CDRT4: variants seen among roughly 807,000 people sequenced by gnomAD.
CDRT4 encodes the protein CMT1A duplicated region transcript 4 protein.
For synonymous variants in CDRT4, 64 were observed against 69.6 expected (o/e 0.92, Z 0.40); for missense variants, 167 against 193.1 (o/e 0.87, Z 0.80).
chr17:15,461,355 T>C (rs1597469780), intron 1 of CDRT4, among the ~76,000 whole-genome samples: 1 of 152,228 alleles, frequency 6.6e-6, no homozygotes, highest in Non-Finnish European at 1.5e-5. Context: ...CGCTACAGCA[T>C]GCGGGCTGCC....
intron 1 of CDRT4, among the ~76,000 whole-genome samples, chr17:15,456,563 TAC>T (rs3029212): frequency 0.14 from 20,491 of 144,848 alleles, 1,467 homozygotes; most frequent in Non-Finnish European, 0.16. Flanking sequence ...AATCTTCCTT[TAC>T]ACACACACAC....
At chr17:15,462,924 G>A (rs1979822138) in intron 1 of CDRT4, among the ~76,000 whole-genome samples, 1 of 152,164 alleles carries the variant, frequency 6.6e-6, no homozygotes, top group Non-Finnish European at 1.5e-5. Flanking sequence ...ACATCACCAA[G>A]ATGTAAGCTG....
chr17:15,446,908 C>T (rs1979052184), intron 2 of CDRT4, among the ~76,000 whole-genome samples: 1 of 152,194 alleles, frequency 6.6e-6, no homozygotes, highest in Non-Finnish European at 1.5e-5. Context: ...GTTCAAGTAC[C>T]TATGGCCATT....
intron 2 of CDRT4, chr17:15,443,885 C>T: frequency 1.6e-6 from 1 of 625,936 alleles, no homozygotes; most frequent in Non-Finnish European, 3.1e-6. Flanking sequence ...TCACACTGGG[C>T]TTCCACTACA....
At position 15,436,473 on chromosome 17, in the gene CDRT4, T is replaced by A. The variant is rs1285451952; in HGVS notation, c.*1300A>T. The A allele has an allele frequency of 6.6e-6, 1 of 152,254 alleles. No individual in the cohort carries two copies. Among genetic ancestry groups the A allele is most frequent in the Admixed American group, 6.5e-5 (1 of 15,282 alleles). The allele number at this position is 152,254 out of a possible 1,614,324, so 9.4% of individuals were successfully genotyped here. On this transcript the variant is annotated 3_prime_UTR_variant, in exon 4 of 4. Coordinates refer to ENST00000619038, the MANE Select transcript of CDRT4 (RefSeq NM_001204477.2). ...AACCAGCTGGGTCAGCCTGTCATAA[T>A]TGGATCCCTCTTGCATGTAAAGACA...
At chr17:15,444,279 T>A (rs1978915062) in intron 2 of CDRT4, 1 of 507,434 alleles carries the variant, frequency 2.0e-6, no homozygotes, top group African/African-American at 2.0e-5. Context: ...ATAAAAGACC[T>A]ATTGATTTGG....
intron 1 of CDRT4, among the ~76,000 whole-genome samples, chr17:15,465,285 C>A (rs1315888889): frequency 7.2e-6 from 1 of 139,848 alleles, no homozygotes. Context: ...CACAAACACA[C>A]ACCAACACCA....
intron 2 of CDRT4, among the ~76,000 whole-genome samples, chr17:15,440,954 G>A (rs1001287308): frequency 6.6e-6 from 1 of 152,010 alleles, no homozygotes; most frequent in Admixed American, 6.6e-5. Context: ...TAAGCCAAAA[G>A]GGGGAAAGAA....
intron 2 of CDRT4, among the ~76,000 whole-genome samples, chr17:15,449,445 TTCCACACACTTGCTCCTCTATC>T (rs1348756915): frequency 6.6e-6 from 1 of 152,196 alleles, no homozygotes; most frequent in Non-Finnish European, 1.5e-5. Flanking sequence ...TTCTTTATAA[TTCCACACACTTGCTCCTCTATC>T]TCCAAGTCAA....
At chr17:15,440,659 C>G (rs1156977514) in intron 2 of CDRT4, among the ~76,000 whole-genome samples, 2 of 152,110 alleles carry the variant, frequency 1.3e-5, no homozygotes, top group African/African-American at 4.8e-5. Context: ...TACCAGAGTC[C>G]AAGAGTGGTC....
At chr17:15,446,419 T>C (rs1979029507) in intron 2 of CDRT4, among the ~76,000 whole-genome samples, 1 of 151,992 alleles carries the variant, frequency 6.6e-6, no homozygotes, top group African/African-American at 2.4e-5. Flanking sequence ...CTGGGGACCC[T>C]TGGGAATCGT....
intron 2 of CDRT4, among the ~76,000 whole-genome samples, chr17:15,445,159 T>C (rs1214497648): frequency 6.6e-6 from 1 of 152,220 alleles, no homozygotes; most frequent in East Asian, 1.9e-4. Context: ...ATAGTCATGA[T>C]GAGTGGATTA....
chr17:15,461,094 C>T (rs1052008664), intron 1 of CDRT4, among the ~76,000 whole-genome samples: 1 of 152,232 alleles, frequency 6.6e-6, no homozygotes, highest in Non-Finnish European at 1.5e-5. Flanking sequence ...AAATCTATCA[C>T]ATCACCTTGT....
At chr17:15,449,239 C>T (rs867314008) in intron 2 of CDRT4, among the ~76,000 whole-genome samples, 1 of 152,190 alleles carries the variant, frequency 6.6e-6, no homozygotes. Flanking sequence ...CCAGGGCACA[C>T]GCTAAGTGTA....
At chr17:15,455,888 C>T (rs1207682262) in intron 1 of CDRT4, among the ~76,000 whole-genome samples, 1 of 152,178 alleles carries the variant, frequency 6.6e-6, no homozygotes, top group African/African-American at 2.4e-5. Context: ...GAGACAGAGG[C>T]AGACAGCTAA....
rs556575497 is a variant in CDRT4, at chr17:15,461,350, C to T, written c.-130+6110G>A. Among the ~76,000 whole-genome samples the T allele has an allele frequency of 6.6e-5, 10 of 152,360 alleles. No homozygotes were observed. The East Asian group carries it at 1.5e-3, about 23-fold the overall frequency. ...GAAGTCGGCCTCTGCAGTTCCGCTA[C>T]AGCATGCGGGCTGCCACAAGGACAG... On this transcript the variant is annotated intron_variant, in intron 1 of 3. Transcript: ENST00000619038.
At chr17:15,440,821 G>A (rs1597456202) in intron 2 of CDRT4, among the ~76,000 whole-genome samples, 1 of 152,184 alleles carries the variant, frequency 6.6e-6, no homozygotes, top group South Asian at 2.1e-4. Flanking sequence ...ATGCAGGGGG[G>A]AAATCTGATG....
intron 1 of CDRT4, among the ~76,000 whole-genome samples, chr17:15,459,979 G>A (rs1979674670): frequency 6.6e-6 from 1 of 151,950 alleles, no homozygotes; most frequent in South Asian, 2.1e-4. Flanking sequence ...CTCCACTTAG[G>A]GTGAGGGAGC....
intron 2 of CDRT4, among the ~76,000 whole-genome samples, chr17:15,441,363 T>C (rs1006072622): frequency 6.6e-6 from 1 of 152,220 alleles, no homozygotes; most frequent in African/African-American, 2.4e-5. Flanking sequence ...TCTGATTCAG[T>C]AGGTCTGTTT....
Sources: allele counts gnomAD v4.1 joint callset (sites outside exome capture counted in the v4.1 genomes callset), GRCh38; gene constraint gnomAD v4.1.1; transcripts MANE v1.5; gene names NCBI Gene and HGNC (gene_info 2026-07-23, HGNC 2026-07-21).